Variants in TUBB6 observed in about 807,000 individuals in gnomAD.
TUBB6 encodes tubulin beta 6 class V, also known as tubulin beta-6 chain.
Under a neutral mutation model 32.3 loss-of-function variants are expected in TUBB6, and 18 were observed. The observed-to-expected ratio is 0.56, with a 90% CI of 0.39 to 0.83. TUBB6 has a LOEUF of 0.83. Among genes scored for constraint, TUBB6 ranks in the 40% least tolerant of loss-of-function variants. The pLI is 0.00. For synonymous variants in TUBB6, 280 were observed against 265.8 expected, an observed-to-expected ratio of 1.05 and a Z score of -0.52; for missense variants, 480 against 632.0, an observed-to-expected ratio of 0.76 and a Z score of 2.58.
At chr18:12,313,249 G>A (rs1014475044) in intron 3 of TUBB6, among the ~76,000 whole-genome samples, 1 of 152,114 alleles carries the variant, frequency 6.6e-6, no homozygotes, top group African/African-American at 2.4e-5. Context: ...ACAAAAACCA[G>A]AGAAAGAAAA....
rs768533336 is a variant in TUBB6 at position 12,308,813 on chromosome 18, C to T, written c.166+18C>T. The T allele has an allele frequency of 6.6e-7, 1 of 1,509,398 alleles. No homozygotes were observed. The highest frequency in any genetic ancestry group is 2.3e-5 in the East Asian group (1 of 44,224). 93.5% of individuals were successfully genotyped at this position (1,509,398 alleles called of 1,614,324 possible). On this transcript the variant is annotated intron_variant, in intron 2 of 3. Transcript: ENST00000317702. ...GTCATCGTGTGAGTAGCAAGGCCGC[C>T]GCGCCCTGCCCGGCCGGGACCCGCG... is the stretch of plus-strand genomic sequence containing the variant.
Position 12,308,667 on chromosome 18 carries a change from C to G in TUBB6, c.58-20C>G, listed in dbSNP as rs774404851. On this transcript the variant is annotated intron_variant, in intron 1 of 3. Transcript: ENST00000317702. ...GCTCTGGGTTCTGAGCGTCTGTCCC[C>G]CCGCCTTGCCCTGCCCAAGTTTTGG... 2 of 1,551,512 alleles carry G rather than the reference C, an allele frequency of 1.3e-6. No individual in the cohort carries two copies. Among genetic ancestry groups the G allele is most frequent in the Admixed American group, 1.7e-5 (1 of 59,762 alleles).
intron 3 of TUBB6, among the ~76,000 whole-genome samples, chr18:12,319,565 G>GT (rs1906869583): frequency 6.6e-6 from 1 of 152,164 alleles, no homozygotes; most frequent in Non-Finnish European, 1.5e-5. Flanking sequence ...ATTCATTAAT[G>GT]TATCTCAGAC....
chr18:12,325,905 G>A lies in TUBB6; in HGVS notation c.1116G>A (p.Thr372=), dbSNP rs757521240. Residue 372 remains threonine (T), a synonymous_variant, in exon 4 of 4, where the codon ACG becomes ACA. Coordinates refer to ENST00000317702, the MANE Select transcript of TUBB6 (RefSeq NM_032525.3). ...KMASTFIGNS[T]AIQELFKRIS... ...CCTCCACCTTCATCGGCAACAGCAC[G>A]GCCATCCAGGAGCTGTTCAAGCGCA... The A allele has an allele frequency of 1.9e-5, 31 of 1,614,082 alleles. No homozygotes were observed. The highest frequency in any genetic ancestry group is 2.5e-5 in the Non-Finnish European group (29 of 1,180,046).
intron 2 of TUBB6, 62 bp downstream of exon 2, chr18:12,308,857 C>A: frequency 8.9e-7 from 1 of 1,129,786 alleles, no homozygotes; most frequent in Non-Finnish European, 1.3e-6. Flanking sequence ...CCGGCGCCGC[C>A]TCTTAGCGCG....
downstream of TUBB6, among the ~76,000 whole-genome samples, chr18:12,327,554 CAG>C (rs1907379501): frequency 2.0e-5 from 3 of 152,300 alleles, no homozygotes; most frequent in Admixed American, 2.0e-4. Context: ...TCTGAGACCA[CAG>C]TAAAAATAAA....
downstream of TUBB6, chr18:12,329,312 T>C (rs1330612829): frequency 7.3e-6 from 5 of 680,966 alleles, no homozygotes; most frequent in African/African-American, 7.1e-5. Context: ...GGGCTCAACC[T>C]TTCCAGCACG....
At chr18:12,319,685 C>T (rs1198576542) in intron 3 of TUBB6, among the ~76,000 whole-genome samples, 3 of 152,226 alleles carry the variant, frequency 2.0e-5, no homozygotes, top group Admixed American at 1.3e-4. Flanking sequence ...TGGGCTCAGG[C>T]GTTCACACCT....
At chr18:12,313,872 CG>C (rs1568120612) in intron 3 of TUBB6, among the ~76,000 whole-genome samples, 1 of 152,182 alleles carries the variant, frequency 6.6e-6, no homozygotes, top group African/African-American at 2.4e-5. Flanking sequence ...TGCATGCCCA[CG>C]GGGGGTGTCT....
At chr18:12,324,709 C>A (rs1907176469) in intron 3 of TUBB6, 4 of 1,148,278 alleles carry the variant, frequency 3.5e-6, no homozygotes, top group South Asian at 4.3e-5. Context: ...CCTCGGCCTC[C>A]CAAAGTGCTG....
Position 12,308,782 on chromosome 18 carries a change from CAAT to C in TUBB6, c.154_156del (p.Asn52del). ...AGCTGGAGAGAATCAACGTCTACTA[CAAT>C]GAGTCATCGTGTGAGTAGCAAGGCC... On this transcript the variant is annotated inframe_deletion, in exon 2 of 4. Transcript: ENST00000317702. 6.2e-7 allele frequency: 1 copy of C among 1,606,986 alleles called. No individual in the cohort carries two copies. Among genetic ancestry groups the C allele is most frequent in the Non-Finnish European group, 8.5e-7 (1 of 1,173,872 alleles).
chr18:12,315,985 A>T (rs943351351), intron 3 of TUBB6, among the ~76,000 whole-genome samples: 6 of 152,228 alleles, frequency 3.9e-5, no homozygotes, highest in African/African-American at 1.4e-4. Flanking sequence ...GTGGTCACGG[A>T]AAAGGCAGCT....
At chr18:12,312,281 A>G (rs1156609127) in intron 3 of TUBB6, among the ~76,000 whole-genome samples, 1 of 151,428 alleles carries the variant, frequency 6.6e-6, no homozygotes, top group Non-Finnish European at 1.5e-5. Flanking sequence ...AAAATAAAAT[A>G]CTTAGAATAT....
At chr18:12,324,742 C>T (rs1259570514) in intron 3 of TUBB6, 9 of 1,254,456 alleles carry the variant, frequency 7.2e-6, no homozygotes, top group East Asian at 3.0e-5. Flanking sequence ...TGAGCCACGG[C>T]GCCCGGCCAG....
At chr18:12,308,606 G>T (rs1056691926) in intron 1 of TUBB6, 81 bp from the exon 2 acceptor site, 3 of 1,102,814 alleles carry the variant, frequency 2.7e-6, no homozygotes, top group South Asian at 2.7e-5. Flanking sequence ...TCGGCCGCCG[G>T]GGCGCCTGGG....
At position 12,326,081 on chromosome 18, in the gene TUBB6, A is replaced by G. The variant is rs769391471; in HGVS notation, c.1292A>G (p.Asn431Ser). The G allele has an allele frequency of 3.7e-6, 6 of 1,614,074 alleles. No individual in the cohort carries two copies. Among genetic ancestry groups the G allele is most frequent in the Non-Finnish European group, 4.2e-6 (5 of 1,180,038 alleles). ...CAGCAGTACCAGGATGCCACCGCCAATGACGGGGAGGAAGCTTTTGAGGAT... is the reference window on the plus strand; with the variant it reads ...CAGCAGTACCAGGATGCCACCGCCAGTGACGGGGAGGAAGCTTTTGAGGAT... ...EYQQYQDATA[N>S]DGEEAFEDEE... The change falls in exon 4 of 4, where the codon AAT becomes AGT. Residue 431 changes from asparagine (N) to serine (S), a missense_variant. Physicochemically the swap from Asn to Ser is conservative, Grantham distance 46. Coordinates refer to ENST00000317702, the MANE Select transcript of TUBB6 (RefSeq NM_032525.3).
Position 12,325,874 on chromosome 18 carries a change from A to G in TUBB6, c.1085A>G (p.Lys362Arg), listed in dbSNP as rs765543967. 6.2e-7 allele frequency: 1 copy of G among 1,614,192 alleles called. No homozygotes were observed. Among genetic ancestry groups the G allele is most frequent in the African/African-American group, 1.3e-5 (1 of 75,072 alleles). The change falls in exon 4 of 4, where the codon AAG becomes AGG. Residue 362 changes from lysine to arginine, a missense_variant. Transcript: ENST00000317702. Reference protein sequence around the residue: ...AVCDIPPRGLKMASTFIGNST... With the variant: ...AVCDIPPRGLRMASTFIGNST... ...TGCGACATCCCGCCCCGCGGCCTGAAGATGGCCTCCACCTTCATCGGCAAC... is the reference window on the plus strand; with the variant it reads ...TGCGACATCCCGCCCCGCGGCCTGAGGATGGCCTCCACCTTCATCGGCAAC...
At chr18:12,322,799 AATAG>A (rs1473907306) in intron 3 of TUBB6, among the ~76,000 whole-genome samples, 1 of 152,230 alleles carries the variant, frequency 6.6e-6, no homozygotes, top group Non-Finnish European at 1.5e-5. Flanking sequence ...ATAGGAAAAA[AATAG>A]ATATAGATAG....
Position 12,326,264 on chromosome 18 carries a change from A to G in TUBB6, c.*134A>G. The G allele has an allele frequency of 7.6e-7, 1 of 1,312,946 alleles. No homozygotes were observed. The highest frequency in any genetic ancestry group is 1.6e-5 in the South Asian group (1 of 63,420). 81.3% of individuals were successfully genotyped at this position (1,312,946 alleles called of 1,614,324 possible). A position where few individuals can be genotyped will look rare whatever the true frequency, so the allele number is the denominator to read the frequency against. ...GTGTCGGCCCCTCACAAATGCAGCC[A>G]AGTCATGTAATTAGTCATCTGGAAC... On this transcript the variant is annotated 3_prime_UTR_variant, in exon 4 of 4. Transcript: ENST00000317702.
Sources: allele counts gnomAD v4.1 joint callset (sites outside exome capture counted in the v4.1 genomes callset), GRCh38; gene constraint gnomAD v4.1.1; transcripts MANE v1.5; gene names NCBI Gene and HGNC (gene_info 2026-07-23, HGNC 2026-07-21).